Variants in RAB3GAP2 observed in about 807,000 individuals in gnomAD.
The protein encoded by RAB3GAP2 is RAB3 GTPase activating non-catalytic protein subunit 2.
Under a neutral mutation model 185.3 loss-of-function variants are expected in RAB3GAP2, and 87 were observed. The observed-to-expected ratio is 0.47, with a 90% CI of 0.39 to 0.56. RAB3GAP2 has a LOEUF of 0.56. Ranked by LOEUF, RAB3GAP2 falls within the 20% of genes least tolerant of loss-of-function variation. The pLI, the probability that RAB3GAP2 is intolerant of heterozygous loss-of-function variation, is 0.00. For synonymous variants in RAB3GAP2, 554 were observed against 576.1 expected (o/e 0.96, Z 0.55); for missense variants, 1,492 against 1,638.2 (o/e 0.91, Z 1.54).
At chr1:220,266,652 T>C in intron 1 of RAB3GAP2, 3 of 1,438,506 alleles carry the variant, frequency 2.1e-6, no homozygotes, top group Non-Finnish European at 2.9e-6. Flanking sequence ...AGCATGTTCC[T>C]GAGAGGTTAT....
chr1:220,205,573 T>C (rs911253690), intron 8 of RAB3GAP2, among the ~76,000 whole-genome samples: 3 of 152,146 alleles, frequency 2.0e-5, no homozygotes, highest in Non-Finnish European at 4.4e-5. Flanking sequence ...CTTTACCCCA[T>C]TGTTGGTTGT....
At chr1:220,271,393 C>T (rs988050339) in intron 1 of RAB3GAP2, among the ~76,000 whole-genome samples, 4 of 152,126 alleles carry the variant, frequency 2.6e-5, no homozygotes, top group African/African-American at 9.7e-5. Flanking sequence ...AAGGCACACC[C>T]TTTCAAAATG....
In RAB3GAP2 at chr1:220,202,392, A is replaced by C; in HGVS notation, c.713-18T>G. 6.2e-7 allele frequency: 1 copy of C among 1,606,326 alleles called. No homozygotes were observed. The highest frequency in any genetic ancestry group is 8.5e-7 in the Non-Finnish European group (1 of 1,173,216). On this transcript the variant is annotated intron_variant, in intron 8 of 34. Transcript: ENST00000358951. The stretch of plus-strand genomic sequence containing the variant: ...TGCTGCAGCTACCAAAGATAAAATA[A>C]GACAATCCAAACTTATTATGGATAA...
At chr1:220,250,445 G>A (rs1478050195) in intron 1 of RAB3GAP2, among the ~76,000 whole-genome samples, 1 of 152,190 alleles carries the variant, frequency 6.6e-6, no homozygotes, top group Non-Finnish European at 1.5e-5. Context: ...TGATTCTACA[G>A]GCTCATAGGT....
chr1:220,254,215 G>C lies in RAB3GAP2; in HGVS notation c.115+18008C>G, dbSNP rs1052124393. ...AGATAATAAGGAGTATGCGGTTAAT[G>C]AAGTTGTGGCAGGGATAAAAGAATA... On this transcript the variant is annotated intron_variant, in intron 1 of 34. Coordinates refer to ENST00000358951, the MANE Select transcript of RAB3GAP2 (RefSeq NM_012414.4). 3.1e-6 allele frequency: 5 copies of C among 1,613,454 alleles called. No homozygotes were observed. In the African/African-American group the frequency reaches 6.7e-5, roughly 22 times the overall value.
At chr1:220,235,977 C>T (rs144166678) in intron 1 of RAB3GAP2, among the ~76,000 whole-genome samples, 102 of 152,278 alleles carry the variant, frequency 6.7e-4, no homozygotes, top group African/African-American at 2.4e-3. Flanking sequence ...CATAGGAATA[C>T]ATTTTTCCCA....
chr1:220,205,855 T>C, intron 8 of RAB3GAP2, 52 bp downstream of exon 8: 1 of 1,308,148 alleles, frequency 7.6e-7, no homozygotes, highest in Non-Finnish European at 1.1e-6. Flanking sequence ...GCAGGTGAAA[T>C]TAAATAAAAC....
At chr1:220,157,720 A>G (rs914821863) in intron 30 of RAB3GAP2, 82 bp downstream of exon 30, 29 of 1,284,350 alleles carry the variant, frequency 2.3e-5, no homozygotes, top group Non-Finnish European at 3.2e-5. Flanking sequence ...CCTCATTAAA[A>G]TAGTCATTTA....
At chr1:220,200,409 G>A (rs558824005) in intron 9 of RAB3GAP2, 26 of 333,484 alleles carry the variant, frequency 7.8e-5, no homozygotes, top group South Asian at 6.5e-4. Context: ...TCACCAAAAC[G>A]TAAGCTTTAT....
chr1:220,155,306 T>C (rs575858734), intron 31 of RAB3GAP2, among the ~76,000 whole-genome samples: 47 of 152,330 alleles, frequency 3.1e-4, no homozygotes, highest in Non-Finnish European at 1.5e-5. Context: ...TATCTTCCAA[T>C]GTGCCTTCCA....
chr1:220,219,781 T>C (rs1659270241), intron 2 of RAB3GAP2, among the ~76,000 whole-genome samples: 1 of 152,134 alleles, frequency 6.6e-6, no homozygotes. Context: ...CTAGGCTGGA[T>C]CACAATGAGC....
At position 220,210,885 on chromosome 1, in the gene RAB3GAP2, AAC is replaced by A. The variant is rs769340831; in HGVS notation, c.435-11_435-10del. The A allele has an allele frequency of 6.2e-7, 1 of 1,613,810 alleles. No individual in the cohort carries two copies. ...GACGCCCAGTGGAACTCCTGTTACAAACAAAATTTATTATCTTAACAACTCAT... is the reference window on the plus strand; with the variant it reads ...GACGCCCAGTGGAACTCCTGTTACAAAAAATTTATTATCTTAACAACTCAT... On this transcript the variant is annotated splice_polypyrimidine_tract_variant and intron_variant, in intron 5 of 34. Transcript: ENST00000358951.
At chr1:220,243,363 AAAAAAAACATAATAATAAACAC>A (rs1190270147) in intron 1 of RAB3GAP2, among the ~76,000 whole-genome samples, 1 of 152,062 alleles carries the variant, frequency 6.6e-6, no homozygotes, top group Non-Finnish European at 1.5e-5. Flanking sequence ...CAAAAAAAAA[AAAAAAAACATAATAATAAACAC>A]ATGTATTTAC....
At chr1:220,262,696 T>C (rs1376212548) in intron 1 of RAB3GAP2, among the ~76,000 whole-genome samples, 6 of 152,248 alleles carry the variant, frequency 3.9e-5, no homozygotes, top group African/African-American at 1.2e-4. Context: ...ATACCACATT[T>C]TGTTTATCCA....
chr1:220,262,334 A>C (rs944856966), intron 1 of RAB3GAP2, among the ~76,000 whole-genome samples: 79 of 151,754 alleles, frequency 5.2e-4, no homozygotes, highest in African/African-American at 5.8e-4. Flanking sequence ...AACAAACAAA[A>C]AAACATAAAA....
chr1:220,266,484 T>C, intron 1 of RAB3GAP2: 1 of 561,668 alleles, frequency 1.8e-6, no homozygotes, highest in African/African-American at 1.9e-5. Context: ...CCAGTATAAG[T>C]AGCACAATTC....
At chr1:220,214,796 G>T (rs1659154268) in intron 2 of RAB3GAP2, among the ~76,000 whole-genome samples, 1 of 151,304 alleles carries the variant, frequency 6.6e-6, no homozygotes, top group Non-Finnish European at 1.5e-5. Context: ...ATAAAAAGGT[G>T]TTCTTTGAAA....
chr1:220,172,779 A>T (rs1394935443), intron 21 of RAB3GAP2, 37 bp from the exon 22 acceptor site: 11 of 1,423,878 alleles, frequency 7.7e-6, no homozygotes, highest in Non-Finnish European at 1.1e-5. Flanking sequence ...GTCTAAAAAA[A>T]AATTTAGCAT....
Position 220,251,300 on chromosome 1 carries a change from T to G in RAB3GAP2, c.116-18437A>C, listed in dbSNP as rs974041884. Among the ~76,000 whole-genome samples, 55 of 152,174 alleles carry G rather than the reference T, an allele frequency of 3.6e-4. 1 individual carries two copies. The highest frequency in any genetic ancestry group is 7.2e-4 in the Admixed American group (11 of 15,270). ...ATTTAGATTAAAATCTAGTAGAATGTTTTACAAGCTTAAGATTGGAAAGAT... is the reference window on the plus strand; with the variant it reads ...ATTTAGATTAAAATCTAGTAGAATGGTTTACAAGCTTAAGATTGGAAAGAT... On this transcript the variant is annotated intron_variant, in intron 1 of 34. Transcript: ENST00000358951.
Sources: allele counts gnomAD v4.1 joint callset (sites outside exome capture counted in the v4.1 genomes callset), GRCh38; gene constraint gnomAD v4.1.1; transcripts MANE v1.5; gene names NCBI Gene and HGNC (gene_info 2026-07-23, HGNC 2026-07-21).